DNAH14: variants seen among roughly 807,000 people sequenced by gnomAD.
DNAH14 encodes the protein dynein axonemal heavy chain 14.
In DNAH14, 478 loss-of-function variants were observed where a neutral mutation model predicts 520.9. The observed-to-expected ratio is 0.92, with a 90% CI of 0.85 to 0.99. DNAH14 has a LOEUF of 0.99. Ranked by LOEUF, DNAH14 falls within the 50% of genes least tolerant of loss-of-function variation. The pLI, the probability that DNAH14 is intolerant of heterozygous loss-of-function variation, is 0.00. For synonymous variants in DNAH14, 1,581 were observed against 1,757.2 expected, an observed-to-expected ratio of 0.90 and a Z score of 2.51; for missense variants, 4,831 against 5,234.5, an observed-to-expected ratio of 0.92 and a Z score of 2.38.
intron 17 of DNAH14, among the ~76,000 whole-genome samples, chr1:225,067,853 T>G (rs538899363): frequency 6.6e-6 from 1 of 152,234 alleles, no homozygotes; most frequent in South Asian, 2.1e-4. Context: ...GGATATTAGA[T>G]CTCTGTTAGA....
chr1:224,980,313 A>G (rs993314777), intron 8 of DNAH14, among the ~76,000 whole-genome samples: 1 of 152,052 alleles, frequency 6.6e-6, no homozygotes, highest in African/African-American at 2.4e-5. Flanking sequence ...GCTGACTGAA[A>G]AGCCCTTGGT....
At chr1:225,068,305 A>G (rs1365153140) in intron 17 of DNAH14, among the ~76,000 whole-genome samples, 3 of 152,030 alleles carry the variant, frequency 2.0e-5, no homozygotes, top group Non-Finnish European at 1.5e-5. Flanking sequence ...CCCTTGGTCT[A>G]TGTGCCTTTT....
chr1:225,169,120 G>A (rs1215036091), intron 36 of DNAH14, among the ~76,000 whole-genome samples: 1 of 152,080 alleles, frequency 6.6e-6, no homozygotes, highest in East Asian at 1.9e-4. Flanking sequence ...AAACAGAAAG[G>A]ACATCCACAC....
In DNAH14 at chr1:225,380,341, CT is replaced by C; in HGVS notation, c.12880+24del. ...CTCAAAGGTGAGCATGGGACAGGAG[CT>C]TTTTCCCCTTACCTCACTCTCCTCA... On this transcript the variant is annotated intron_variant, in intron 80 of 85. Coordinates refer to ENST00000682510, the MANE Select transcript of DNAH14 (RefSeq NM_001367479.1). 1 of 1,542,246 alleles carries C rather than the reference CT, an allele frequency of 6.5e-7. No homozygotes were observed. The highest frequency in any genetic ancestry group is 8.8e-7 in the Non-Finnish European group (1 of 1,142,292).
rs182864285 is a variant in DNAH14, at chr1:225,365,307, A to G, written c.12090+413A>G. On this transcript the variant is annotated intron_variant, in intron 76 of 85. Transcript: ENST00000682510. ...AAGTCCTCATTAAAGATTATCTGGG[A>G]CTTCTCATATCCACTATTGAGGCTG... is the stretch of plus-strand genomic sequence containing the variant. Among the ~76,000 whole-genome samples the G allele has an allele frequency of 9.2e-5, 14 of 152,164 alleles. 1 individual carries two copies. Among genetic ancestry groups the G allele is most frequent in the Admixed American group, 2.0e-4 (3 of 15,270 alleles).
At chr1:225,153,643 C>A (rs2080732506) in intron 33 of DNAH14, 107 bp from the exon 34 acceptor site, 1 of 701,726 alleles carries the variant, frequency 1.4e-6, no homozygotes, top group Non-Finnish European at 2.3e-6. Flanking sequence ...GTCACTGTTT[C>A]CCTGCAGAGC....
rs71281019 is a variant in DNAH14, at chr1:225,296,509, G to GTT, written c.8470-4348_8470-4347dup. On this transcript the variant is annotated intron_variant, in intron 55 of 85. Transcript: ENST00000682510. ...TTATCGTTTATGTTTGTGGTGGGTGGTTTTTTTTTTTTTGCAGTGATAGGG... is the reference window on the plus strand; with the variant it reads ...TTATCGTTTATGTTTGTGGTGGGTGGTTTTTTTTTTTTTTTGCAGTGATAGGG... 5.3e-3 allele frequency among the ~76,000 whole-genome samples: 729 copies of GTT among 137,832 alleles called. 7 individuals are homozygous for GTT. The highest frequency in any genetic ancestry group is 0.025 in the East Asian group (122 of 4,862). The allele number at this position is 137,832 out of a possible 152,430, so 90.4% of individuals were successfully genotyped here. A position where few individuals can be genotyped will look rare whatever the true frequency, so the allele number is the denominator to read the frequency against.
intron 54 of DNAH14, among the ~76,000 whole-genome samples, chr1:225,286,715 A>T (rs2093753746): frequency 6.6e-6 from 1 of 152,186 alleles, no homozygotes; most frequent in Non-Finnish European, 1.5e-5. Context: ...GCCAGTAATC[A>T]TGCTCCTACA....
intron 41 of DNAH14, among the ~76,000 whole-genome samples, chr1:225,225,537 A>C (rs1024271232): frequency 6.6e-6 from 1 of 152,162 alleles, no homozygotes; most frequent in African/African-American, 2.4e-5. Flanking sequence ...GCCATAGTAG[A>C]ACGTGTCCAT....
At chr1:225,212,556 C>T (rs1005090463) in intron 41 of DNAH14, among the ~76,000 whole-genome samples, 2 of 152,156 alleles carry the variant, frequency 1.3e-5, no homozygotes, top group Non-Finnish European at 2.9e-5. Context: ...TCCACATCCT[C>T]TCCAGCACCT....
intron 1 of DNAH14, among the ~76,000 whole-genome samples, chr1:224,949,255 G>A (rs1273950680): frequency 6.6e-6 from 1 of 152,082 alleles, no homozygotes; most frequent in African/African-American, 2.4e-5. Context: ...TAATCTATCT[G>A]TAGTACCATT....
At chr1:225,268,590 G>T (rs1310403135) in intron 49 of DNAH14, among the ~76,000 whole-genome samples, 1 of 152,180 alleles carries the variant, frequency 6.6e-6, no homozygotes, top group Non-Finnish European at 1.5e-5. Flanking sequence ...CATCGTCTCA[G>T]CCCAAAATCT....
rs1052884266 is a variant in DNAH14 at position 225,207,109 on chromosome 1, C to T, written c.6328C>T (p.Arg2110Cys). The change falls in exon 41 of 86, where the codon CGT becomes TGT. Residue 2110 changes from arginine to cysteine, a missense_variant. Physicochemically the swap from Arg to Cys is radical, Grantham distance 180. Coordinates refer to ENST00000682510, the MANE Select transcript of DNAH14 (RefSeq NM_001367479.1). ...VTDGLQFIRN[R>C]QKFQPYPMED... ...AGACGGACTACAATTTATAAGGAAT[C>T]GTCAGAAATTTCAGCCATATCCTAT... 2.8e-5 allele frequency: 44 copies of T among 1,550,736 alleles called. No individual in the cohort carries two copies. The highest frequency in any genetic ancestry group is 1.7e-4 in the Middle Eastern group (1 of 6,008).
At chr1:225,271,102 G>A (rs1283624253) in intron 50 of DNAH14, among the ~76,000 whole-genome samples, 1 of 152,086 alleles carries the variant, frequency 6.6e-6, no homozygotes, top group African/African-American at 2.4e-5. Flanking sequence ...GTAGATTTTA[G>A]GACTTTATCC....
chr1:224,932,216 CA>C (rs1295706997), intron 1 of DNAH14, among the ~76,000 whole-genome samples: 2 of 151,962 alleles, frequency 1.3e-5, no homozygotes, highest in East Asian at 3.9e-4. Context: ...TGGTGGTGAG[CA>C]TTTTTTTCAA....
chr1:224,932,910 C>T (rs2058784467), intron 1 of DNAH14, among the ~76,000 whole-genome samples: 1 of 152,026 alleles, frequency 6.6e-6, no homozygotes, highest in Non-Finnish European at 1.5e-5. Context: ...TTTGGCTATT[C>T]AGGCTCTTTT....
At chr1:225,370,996 A>G (rs1393026245) in intron 77 of DNAH14, among the ~76,000 whole-genome samples, 1 of 152,202 alleles carries the variant, frequency 6.6e-6, no homozygotes, top group African/African-American at 2.4e-5. Context: ...CACAAAAGGC[A>G]TTGCAAATGA....
At chr1:225,043,241 G>A in intron 13 of DNAH14, 127 bp downstream of exon 13, 1 of 507,868 alleles carries the variant, frequency 2.0e-6, no homozygotes, top group South Asian at 2.3e-5. Context: ...ACCAGCCTGG[G>A]CAACACAGTG....
At chr1:225,054,738 C>T (rs1427348308) in intron 17 of DNAH14, among the ~76,000 whole-genome samples, 1 of 152,066 alleles carries the variant, frequency 6.6e-6, no homozygotes, top group Non-Finnish European at 1.5e-5. Flanking sequence ...TTATAGGAAT[C>T]TTTAAAGTAC....
Sources: gnomAD v4.1 joint callset for allele counts (sites outside exome capture counted in the v4.1 genomes callset) on GRCh38, gnomAD v4.1.1 for gene constraint, MANE v1.5 for transcripts, NCBI Gene and HGNC (gene_info 2026-07-23, HGNC 2026-07-21) for gene names.